The following ANKRD11 variants were observed in gnomAD, a reference collection of about 807,000 sequenced individuals.
The protein encoded by ANKRD11 is ankyrin repeat domain-containing protein 11.
ANKRD11 carries 17 observed loss-of-function variants against 195.7 expected under a neutral mutation model. The ratio of observed to expected loss-of-function variants is 0.09; its 90% CI spans 0.06 to 0.13. The LOEUF (loss-of-function observed/expected upper bound fraction) is 0.13, where lower values mean the gene tolerates loss of function less well. Among genes scored for constraint, ANKRD11 ranks in the 10% least tolerant of loss-of-function variants. ANKRD11 has a pLI of 1.00. For missense variants in ANKRD11, 3,735 were observed against 3,566.1 expected, an observed-to-expected ratio of 1.05 and a Z score of -1.21; for synonymous variants, 1,953 against 1,528.1, an observed-to-expected ratio of 1.28 and a Z score of -6.49.
rs905579696 is a variant in ANKRD11 at position 89,280,115 on chromosome 16, G to C, written c.6427C>G (p.Leu2143Val). Residue 2143 changes from leucine to valine, a missense_variant, in exon 9 of 13, where the codon CTG (leucine) becomes GTG (valine). Transcript: ENST00000301030. ...CCATCTGCGGCATCTTTAGTCTGCA[G>C]GGGAAGCTCCGGCAGGGAGAAGGGC... ...LGPFSLPELP[L>V]QTKDAADGEA... 6.2e-7 allele frequency: 1 copy of C among 1,612,870 alleles called. No individual in the cohort carries two copies. The highest frequency in any genetic ancestry group is 2.2e-5 in the East Asian group (1 of 44,870).
chr16:89,484,867 A>G (rs2057553350), intron 1 of ANKRD11, among the ~76,000 whole-genome samples: 1 of 152,190 alleles, frequency 6.6e-6, no homozygotes, highest in African/African-American at 2.4e-5. Flanking sequence ...TTACACGTGG[A>G]AAAAAGAGCC....
chr16:89,391,161 G>C (rs2041177423), intron 2 of ANKRD11, among the ~76,000 whole-genome samples: 1 of 151,478 alleles, frequency 6.6e-6, no homozygotes, highest in Admixed American at 6.6e-5. Context: ...CCGGAAGGCG[G>C]AGCTTGCAGT....
At position 89,285,034 on chromosome 16, in the gene ANKRD11, T is replaced by G; in HGVS notation, c.1508A>C (p.Lys503Thr). The change falls in exon 9 of 13, where the codon AAG (lysine) becomes ACG (threonine). Residue 503 changes from lysine to threonine, a missense_variant. Coordinates refer to ENST00000301030, the MANE Select transcript of ANKRD11 (RefSeq NM_013275.6). The surrounding 1 kb of genome is among the most constrained non-coding windows in gnomAD (Gnocchi z 5.6). The stretch of plus-strand genomic sequence containing the variant: ...GTCCTTCAGCACCAGCGGGGACCCC[T>G]TGAGGCAGCCAGAGCTCCCCAGAGA... Reference protein sequence around the residue: ...RDSLGSSGCLKGSPLVLKDPS... With the variant: ...RDSLGSSGCLTGSPLVLKDPS... 1 of 1,614,004 alleles carries G rather than the reference T, an allele frequency of 6.2e-7. No homozygotes were observed.
intron 3 of ANKRD11, among the ~76,000 whole-genome samples, chr16:89,312,441 G>A (rs929592462): frequency 1.3e-5 from 2 of 152,188 alleles, no homozygotes; most frequent in African/African-American, 4.8e-5. Context: ...TGGGTGGTGG[G>A]GGAAGCCCAA....
intron 6 of ANKRD11, 61 bp downstream of exon 6, chr16:89,290,543 GGGGGGAGGCTCAGGACTCCAC>G: frequency 3.5e-6 from 5 of 1,415,250 alleles, no homozygotes; most frequent in Non-Finnish European, 4.9e-6. Flanking sequence ...GGGCTCCAAT[GGGGGGAGGCTCAGGACTCCAC>G]TGGGGGAGGC....
intron 1 of ANKRD11, among the ~76,000 whole-genome samples, chr16:89,435,796 T>TCACACACA (rs58503159): frequency 0.058 from 8,284 of 143,010 alleles, 259 homozygotes; most frequent in Admixed American, 0.094. Flanking sequence ...CACCAGCTCT[T>TCACACACA]CACACACACA....
chr16:89,385,075 G>A (rs939015097), intron 2 of ANKRD11, among the ~76,000 whole-genome samples: 13 of 151,558 alleles, frequency 8.6e-5, no homozygotes, highest in African/African-American at 2.9e-4. Context: ...TAGTAGAGAC[G>A]ATATTTCACC....
Position 89,280,545 on chromosome 16 carries a change from G to A in ANKRD11, c.5997C>T (p.Pro1999=), listed in dbSNP as rs748832367. Residue 1999 remains proline, a synonymous_variant, in exon 9 of 13, where the codon CCC becomes CCT. Coordinates refer to ENST00000301030, the MANE Select transcript of ANKRD11 (RefSeq NM_013275.6). ...AGGGCCCTGGGGCGGCAGAGTGGAGGGGGTCCGCGGGGCAGAAACGCTTTG... is the reference window on the plus strand; with the variant it reads ...AGGGCCCTGGGGCGGCAGAGTGGAGAGGGTCCGCGGGGCAGAAACGCTTTG... ...ESPKRFCPAD[P]LHSAAPGPFS... 111 of 1,612,738 alleles carry A rather than the reference G, an allele frequency of 6.9e-5. No individual in the cohort carries two copies. The highest frequency in any genetic ancestry group is 8.8e-5 in the Non-Finnish European group (104 of 1,179,880).
rs752397407 is a variant in ANKRD11 at position 89,280,227 on chromosome 16, G to A, written c.6315C>T (p.Gly2105=). 10 of 1,607,886 alleles carry A rather than the reference G, an allele frequency of 6.2e-6. No individual in the cohort carries two copies. Among genetic ancestry groups the A allele is most frequent in the Admixed American group, 1.7e-5 (1 of 59,948 alleles). The change falls in exon 9 of 13, where the codon GGC becomes GGT. Residue 2105 remains glycine, a synonymous_variant. Transcript: ENST00000301030. ...LGPLENSFLD[G]SRGLSHLGQV... ...GGCCGAGGTGAGACAGGCCGCGGCT[G>A]CCGTCCAGGAAGCTATTTTCCAGGG...
At chr16:89,286,881 A>C (rs1181450410) in intron 7 of ANKRD11, 1 of 1,288,960 alleles carries the variant, frequency 7.8e-7, no homozygotes, top group Admixed American at 2.3e-5. Context: ...ACTTTAGTCC[A>C]GTCTGAGATT....
chr16:89,457,202 G>A (rs1017297374), intron 1 of ANKRD11, among the ~76,000 whole-genome samples: 3 of 150,608 alleles, frequency 2.0e-5, no homozygotes, highest in African/African-American at 7.3e-5. Flanking sequence ...CTCGTGATCC[G>A]CCCGCCTCGG....
At chr16:89,271,006 G>C in intron 11 of ANKRD11, 97 bp from the exon 12 acceptor site, 2 of 1,138,816 alleles carry the variant, frequency 1.8e-6, no homozygotes, top group Non-Finnish European at 2.6e-6. Context: ...CGTTCTCAAG[G>C]GACAACCACA....
intron 1 of ANKRD11, among the ~76,000 whole-genome samples, chr16:89,483,252 C>G (rs1038077742): frequency 1.3e-5 from 2 of 152,150 alleles, no homozygotes; most frequent in Admixed American, 6.6e-5. Flanking sequence ...AAAACTTCAC[C>G]GTACCATTAG....
intron 1 of ANKRD11, among the ~76,000 whole-genome samples, chr16:89,433,687 G>A (rs902349202): frequency 1.3e-5 from 2 of 149,320 alleles, no homozygotes; most frequent in Non-Finnish European, 3.0e-5. Context: ...GGGCTTGGAC[G>A]CAGCAGGGCT....
intron 2 of ANKRD11, among the ~76,000 whole-genome samples, chr16:89,329,350 G>A (rs2037925367): frequency 6.6e-6 from 1 of 152,136 alleles, no homozygotes; most frequent in Admixed American, 6.5e-5. Flanking sequence ...AAGGGATGCT[G>A]CTATTTTTGC....
At chr16:89,446,147 C>T (rs2152305719) in intron 1 of ANKRD11, among the ~76,000 whole-genome samples, 1 of 151,808 alleles carries the variant, frequency 6.6e-6, no homozygotes, top group South Asian at 2.1e-4. Flanking sequence ...AATTGCATTT[C>T]ATGAAGGCAG....
chr16:89,413,481 C>T (rs539872777), intron 2 of ANKRD11, among the ~76,000 whole-genome samples: 213 of 152,150 alleles, frequency 1.4e-3, no homozygotes, highest in Admixed American at 4.9e-3. Flanking sequence ...AAAAATTAGC[C>T]GGGCGTGGTG....
intron 6 of ANKRD11, among the ~76,000 whole-genome samples, chr16:89,289,500 C>T (rs926367172): frequency 7.9e-5 from 12 of 152,174 alleles, no homozygotes; most frequent in Non-Finnish European, 1.6e-4. Flanking sequence ...AGCTCTTAAG[C>T]CCCTGGGCCG....
intron 9 of ANKRD11, chr16:89,278,168 T>C: frequency 3.4e-6 from 1 of 291,350 alleles, no homozygotes; most frequent in Non-Finnish European, 6.7e-6. Flanking sequence ...CGCCACACGC[T>C]GGGGCTGGAT....
Sources: allele counts gnomAD v4.1 joint callset (sites outside exome capture counted in the v4.1 genomes callset), GRCh38; gene constraint gnomAD v4.1.1; non-coding constraint Gnocchi (gnomAD v3.1); transcripts MANE v1.5; gene names NCBI Gene and HGNC (gene_info 2026-07-23, HGNC 2026-07-21).